Variants in TMEM255B observed in about 807,000 individuals in gnomAD.
The protein encoded by TMEM255B is transmembrane protein 255B, also known as family with sequence similarity 70, member B.
In TMEM255B, 35 loss-of-function variants were observed where a neutral mutation model predicts 34.5. The ratio of observed to expected loss-of-function variants is 1.01; its 90% CI spans 0.77 to 1.34. The LOEUF is 1.34. Among genes scored for constraint, TMEM255B ranks in the 40% most tolerant of loss-of-function variants. TMEM255B has a pLI of 0.00. For missense variants in TMEM255B, 432 were observed against 433.2 expected, an observed-to-expected ratio of 1.00 and a Z score of 0.02; for synonymous variants, 206 against 201.2, an observed-to-expected ratio of 1.02 and a Z score of -0.20.
At chr13:113,793,919 C>T (rs1050394827) in intron 3 of TMEM255B, among the ~76,000 whole-genome samples, 1 of 152,194 alleles carries the variant, frequency 6.6e-6, no homozygotes, top group Non-Finnish European at 1.5e-5. Context: ...GGTTTGGGCC[C>T]GCCAGCCCCC....
chr13:113,784,179 G>A (rs531021772), intron 3 of TMEM255B, among the ~76,000 whole-genome samples: 81 of 152,132 alleles, frequency 5.3e-4, no homozygotes, highest in Non-Finnish European at 9.8e-4. Flanking sequence ...GTAGGGATGT[G>A]GGATTGTTGG....
chr13:113,771,224 C>T (rs768266117), intron 3 of TMEM255B, among the ~76,000 whole-genome samples: 12 of 152,080 alleles, frequency 7.9e-5, no homozygotes, highest in South Asian at 2.1e-4. Flanking sequence ...GGCCTGCCTG[C>T]GGAGGGAGTA....
Position 113,811,962 on chromosome 13 carries a change from C to G in TMEM255B, c.*59C>G, listed in dbSNP as rs2051322092. 6.6e-7 allele frequency: 1 copy of G among 1,521,960 alleles called. No individual in the cohort carries two copies. The highest frequency in any genetic ancestry group is 2.2e-5 in the Admixed American group (1 of 45,676). 94.3% of individuals were successfully genotyped at this position (1,521,960 alleles called of 1,614,324 possible). On this transcript the variant is annotated 3_prime_UTR_variant, in exon 9 of 9. Coordinates refer to ENST00000375353, the MANE Select transcript of TMEM255B (RefSeq NM_182614.4). ...TTTTTTTTTAAAAAAAAGGCAGCCT[C>G]TAGAAATCCCGCTTCTGTGGCCAAC...
At chr13:113,809,058 T>TTTCCTGGGGGTTTACTCTGTGG (rs1334904181) in intron 8 of TMEM255B, among the ~76,000 whole-genome samples, 1 of 129,526 alleles carries the variant, frequency 7.7e-6, no homozygotes, top group Non-Finnish European at 1.6e-5. Context: ...TTATGCTGTG[T>TTTCCTGGGGGTTTACTCTGTGG]TTCCTGGGGG....
intron 3 of TMEM255B, among the ~76,000 whole-genome samples, chr13:113,776,094 G>T (rs558641485): frequency 1.3e-5 from 2 of 152,314 alleles, no homozygotes; most frequent in East Asian, 1.9e-4. Flanking sequence ...GGCCACACCT[G>T]CAGGGGATGG....
intron 3 of TMEM255B, among the ~76,000 whole-genome samples, chr13:113,779,490 C>T (rs1233784472): frequency 6.6e-6 from 1 of 151,822 alleles, no homozygotes; most frequent in South Asian, 2.1e-4. Context: ...GTAGAGGGAG[C>T]GTCTGCTGAT....
intron 3 of TMEM255B, among the ~76,000 whole-genome samples, chr13:113,794,361 C>G (rs372971562): frequency 6.6e-6 from 1 of 152,116 alleles, no homozygotes; most frequent in African/African-American, 2.4e-5. Context: ...GCCCGAGCCA[C>G]AGGCCCTCCC....
At chr13:113,771,847 C>T (rs978130887) in intron 3 of TMEM255B, among the ~76,000 whole-genome samples, 3 of 152,178 alleles carry the variant, frequency 2.0e-5, no homozygotes, top group Non-Finnish European at 4.4e-5. Flanking sequence ...AATGCATTTA[C>T]ATTTCTTTTG....
chr13:113,771,852 C>T (rs2050483857), intron 3 of TMEM255B, among the ~76,000 whole-genome samples: 3 of 152,180 alleles, frequency 2.0e-5, no homozygotes, highest in Non-Finnish European at 4.4e-5. Flanking sequence ...ATTTACATTT[C>T]TTTTGGGCAT....
rs2050465166 is a variant in TMEM255B at position 113,770,756 on chromosome 13, A to G, written c.252+1596A>G. On this transcript the variant is annotated intron_variant, in intron 3 of 8. Coordinates refer to ENST00000375353, the MANE Select transcript of TMEM255B (RefSeq NM_182614.4). The surrounding 1 kb of genome is among the most constrained non-coding windows in gnomAD (Gnocchi z 4.6). The stretch of plus-strand genomic sequence containing the variant: ...CACCAGTCACAGAATGGTGTTGGAA[A>G]CAGACGCCACCTTTGGGAGCCAGCA... 6.6e-6 allele frequency among the ~76,000 whole-genome samples: 1 copy of G among 152,118 alleles called. No individual in the cohort carries two copies. Among genetic ancestry groups the G allele is most frequent in the Admixed American group, 6.5e-5 (1 of 15,278 alleles).
intron 3 of TMEM255B, among the ~76,000 whole-genome samples, chr13:113,780,939 C>T (rs1424387567): frequency 6.6e-6 from 1 of 152,178 alleles, no homozygotes; most frequent in African/African-American, 2.4e-5. Flanking sequence ...ATAGAAGTCT[C>T]CCATAACTTT....
At position 113,769,431 on chromosome 13, in the gene TMEM255B, C is replaced by G. The variant is rs1242208322; in HGVS notation, c.252+271C>G. On this transcript the variant is annotated intron_variant, in intron 3 of 8. Transcript: ENST00000375353. The surrounding 1 kb of genome is among the most constrained non-coding windows in gnomAD (Gnocchi z 4.2). ...ACCACCAATGCTGAGGCCTGGGAAG[C>G]TCAGAGAATGCATGAAGTTTGGGAC... Among the ~76,000 whole-genome samples, 1 of 152,220 alleles carries G rather than the reference C, an allele frequency of 6.6e-6. No homozygotes were observed. Among genetic ancestry groups the G allele is most frequent in the Non-Finnish European group, 1.5e-5 (1 of 68,036 alleles).
chr13:113,766,068 C>A, intron 1 of TMEM255B, 47 bp from the exon 2 acceptor site: 1 of 1,609,586 alleles, frequency 6.2e-7, no homozygotes, highest in Non-Finnish European at 8.5e-7. Context: ...CTGACGCCCT[C>A]CTGAGCCTGA....
rs539416946 is a variant in TMEM255B at position 113,806,475 on chromosome 13, C to T, written c.813+1447C>T. 1.3e-5 allele frequency among the ~76,000 whole-genome samples: 2 copies of T among 152,144 alleles called. No homozygotes were observed. Among genetic ancestry groups the T allele is most frequent in the East Asian group, 1.9e-4 (1 of 5,190 alleles). ...CATACCTCAGTCTCCCCTCTCACTT[C>T]GAATATAAAGCTGGGGCCCTGCTCC... On this transcript the variant is annotated intron_variant, in intron 8 of 8. Transcript: ENST00000375353. The surrounding 1 kb of genome is among the most constrained non-coding windows in gnomAD (Gnocchi z 4.2).
chr13:113,768,375 G>A (rs2050425297), intron 2 of TMEM255B: 2 of 402,808 alleles, frequency 5.0e-6, no homozygotes, highest in South Asian at 3.7e-5. Context: ...ATGCCCGGCC[G>A]GTGGCCTCTG....
intron 4 of TMEM255B, among the ~76,000 whole-genome samples, chr13:113,798,393 G>A (rs942515029): frequency 6.6e-6 from 1 of 151,650 alleles, no homozygotes; most frequent in South Asian, 2.1e-4. Context: ...GATGATGGAT[G>A]ATGGATGGAC....
chr13:113,774,112 T>C (rs1052072045), intron 3 of TMEM255B, among the ~76,000 whole-genome samples: 63 of 148,766 alleles, frequency 4.2e-4, no homozygotes, highest in African/African-American at 1.5e-3. Context: ...TCACTTGTCC[T>C]GTTCACCCCC....
intron 7 of TMEM255B, among the ~76,000 whole-genome samples, chr13:113,804,420 G>A (rs1432885410): frequency 7.2e-5 from 11 of 152,246 alleles, no homozygotes; most frequent in African/African-American, 1.9e-4. Flanking sequence ...TTTGGGGCCC[G>A]GAGAGAAGGA....
At chr13:113,766,039 C>T (rs752175428) in intron 1 of TMEM255B, 76 bp from the exon 2 acceptor site, 53 of 1,581,460 alleles carry the variant, frequency 3.4e-5, no homozygotes, top group Middle Eastern at 4.5e-4. Context: ...TAACGGAGCA[C>T]GGCCCAGAGC....
Sources: gnomAD v4.1 joint callset for allele counts (sites outside exome capture counted in the v4.1 genomes callset) on GRCh38, gnomAD v4.1.1 for gene constraint, Gnocchi (gnomAD v3.1) non-coding constraint, MANE v1.5 for transcripts, NCBI Gene and HGNC (gene_info 2026-07-23, HGNC 2026-07-21) for gene names.